The following GALNT17 variants were observed in gnomAD, a reference collection of about 807,000 sequenced individuals.
The protein encoded by GALNT17 is polypeptide N-acetylgalactosaminyltransferase 17.
GALNT17 carries 29 observed loss-of-function variants against 63.7 expected under a neutral mutation model. The ratio of observed to expected loss-of-function variants is 0.46; its 90% CI spans 0.34 to 0.62. The LOEUF is 0.62. Ranked by LOEUF, GALNT17 falls within the 20% of genes least tolerant of loss-of-function variation. GALNT17 has a pLI of 0.01. For synonymous variants in GALNT17, 305 were observed against 318.3 expected (o/e 0.96, Z 0.45); for missense variants, 603 against 799.6 (o/e 0.75, Z 2.97).
intron 1 of GALNT17, among the ~76,000 whole-genome samples, chr7:71,291,365 T>G (rs896400556): frequency 2.0e-5 from 3 of 152,222 alleles, no homozygotes; most frequent in African/African-American, 7.2e-5. Flanking sequence ...TTCCTATTCT[T>G]CCAGAATTCT....
At chr7:71,202,177 T>C (rs1317178136) in intron 1 of GALNT17, among the ~76,000 whole-genome samples, 3 of 152,206 alleles carry the variant, frequency 2.0e-5, no homozygotes, top group Non-Finnish European at 4.4e-5. Context: ...AAATAAGCAA[T>C]GAAAAGTTTT....
intron 5 of GALNT17, among the ~76,000 whole-genome samples, chr7:71,534,123 A>G (rs4557585): frequency 0.43 from 64,832 of 151,974 alleles, 14,858 homozygotes; most frequent in African/African-American, 0.6. Flanking sequence ...TGCTACTAAT[A>G]AAGACATACT....
At chr7:71,626,968 A>G (rs1157397952) in intron 6 of GALNT17, among the ~76,000 whole-genome samples, 1 of 152,208 alleles carries the variant, frequency 6.6e-6, no homozygotes, top group Admixed American at 6.5e-5. Context: ...GCATCAGCAC[A>G]GATGCTTATC....
intron 1 of GALNT17, among the ~76,000 whole-genome samples, chr7:71,145,253 T>TATC (rs965745559): frequency 5.9e-5 from 9 of 152,158 alleles, no homozygotes; most frequent in African/African-American, 2.2e-4. Flanking sequence ...TTTACCTTGT[T>TATC]ATCCATGGAG....
At chr7:71,277,352 G>A (rs563751802) in intron 1 of GALNT17, among the ~76,000 whole-genome samples, 2 of 152,252 alleles carry the variant, frequency 1.3e-5, no homozygotes, top group South Asian at 2.1e-4. Context: ...AGGAGGGAGC[G>A]AGGGGCATGA....
chr7:71,605,017 T>A (rs1490966100), intron 6 of GALNT17, among the ~76,000 whole-genome samples: 2 of 152,042 alleles, frequency 1.3e-5, no homozygotes, highest in African/African-American at 4.8e-5. Context: ...GTGGACAGAG[T>A]GAATCACTGC....
chr7:71,598,562 T>A (rs1292540758), intron 6 of GALNT17, among the ~76,000 whole-genome samples: 3 of 152,228 alleles, frequency 2.0e-5, no homozygotes, highest in Non-Finnish European at 4.4e-5. Flanking sequence ...CTTTTTTAAT[T>A]TAGTAGATTT....
chr7:71,632,546 G>A (rs151233281), intron 6 of GALNT17, among the ~76,000 whole-genome samples: 3 of 152,230 alleles, frequency 2.0e-5, no homozygotes, highest in Non-Finnish European at 4.4e-5. Context: ...ACTTTCAGCC[G>A]AGCTGAATAC....
At chr7:71,599,488 C>T (rs1449152880) in intron 6 of GALNT17, among the ~76,000 whole-genome samples, 1 of 152,094 alleles carries the variant, frequency 6.6e-6, no homozygotes, top group Admixed American at 6.5e-5. Flanking sequence ...TTGTTCCACC[C>T]CGCATCATTC....
intron 6 of GALNT17, among the ~76,000 whole-genome samples, chr7:71,627,951 G>C (rs1227444465): frequency 6.6e-6 from 1 of 152,092 alleles, no homozygotes; most frequent in Non-Finnish European, 1.5e-5. Context: ...TTGAAGGGGG[G>C]TGCAAAAGAG....
At chr7:71,304,316 G>A (rs957735066) in intron 1 of GALNT17, among the ~76,000 whole-genome samples, 1 of 152,180 alleles carries the variant, frequency 6.6e-6, no homozygotes. Context: ...CTGAAACGGC[G>A]TTCAGAGGTG....
chr7:71,561,534 T>G (rs865997670), intron 5 of GALNT17, among the ~76,000 whole-genome samples: 10 of 152,182 alleles, frequency 6.6e-5, no homozygotes, highest in Middle Eastern at 6.8e-3. Flanking sequence ...AACGGCAGCC[T>G]GTTTGAGTCT....
intron 1 of GALNT17, among the ~76,000 whole-genome samples, chr7:71,212,870 A>C (rs759145790): frequency 1.8e-4 from 27 of 152,264 alleles, no homozygotes; most frequent in Middle Eastern, 3.4e-3. Flanking sequence ...TGTATCTAGG[A>C]AGTAACTAGC....
chr7:71,406,974 A>G (rs907731834), intron 3 of GALNT17, among the ~76,000 whole-genome samples: 1 of 152,244 alleles, frequency 6.6e-6, no homozygotes, highest in Non-Finnish European at 1.5e-5. Flanking sequence ...GATGATGCAG[A>G]AATGTCAAGT....
chr7:71,603,101 C>T (rs1789991072), intron 6 of GALNT17, among the ~76,000 whole-genome samples: 2 of 150,482 alleles, frequency 1.3e-5, no homozygotes, highest in African/African-American at 4.9e-5. Context: ...ATGCTAAGTG[C>T]ATATACCAGA....
chr7:71,444,294 G>A (rs1787120454), intron 5 of GALNT17, among the ~76,000 whole-genome samples: 1 of 152,096 alleles, frequency 6.6e-6, no homozygotes, highest in Non-Finnish European at 1.5e-5. Flanking sequence ...CCTGCCCAGG[G>A]AAAAGCCATC....
intron 6 of GALNT17, among the ~76,000 whole-genome samples, chr7:71,635,646 C>T (rs902550241): frequency 3.9e-5 from 6 of 151,982 alleles, no homozygotes; most frequent in Non-Finnish European, 5.9e-5. Flanking sequence ...GAATTCAGGG[C>T]GAGTCCATAG....
chr7:71,562,786 A>G (rs1046427552), intron 5 of GALNT17, among the ~76,000 whole-genome samples: 3 of 152,168 alleles, frequency 2.0e-5, no homozygotes, highest in Admixed American at 1.3e-4. Context: ...GACCCCTGGT[A>G]TAGAGTAGCC....
At chr7:71,268,715 T>G (rs1287770479) in intron 1 of GALNT17, among the ~76,000 whole-genome samples, 2 of 151,792 alleles carry the variant, frequency 1.3e-5, no homozygotes, top group African/African-American at 2.4e-5. Flanking sequence ...GTTTGATGAG[T>G]GCATTCTTGG....
Sources: gnomAD v4.1 joint callset for allele counts (sites outside exome capture counted in the v4.1 genomes callset) on GRCh38, gnomAD v4.1.1 for gene constraint, MANE v1.5 for transcripts, NCBI Gene and HGNC (gene_info 2026-07-23, HGNC 2026-07-21) for gene names.